FUT8: variants seen among roughly 807,000 people sequenced by gnomAD.
FUT8 encodes alpha-(1,6)-fucosyltransferase.
Under a neutral mutation model 71.3 loss-of-function variants are expected in FUT8, and 29 were observed. The ratio of observed to expected loss-of-function variants is 0.41; its 90% CI spans 0.30 to 0.55. The LOEUF (loss-of-function observed/expected upper bound fraction) is 0.55, where lower values mean the gene tolerates loss of function less well. Ranked by LOEUF, FUT8 falls within the 20% of genes least tolerant of loss-of-function variation. The pLI, the probability that FUT8 is intolerant of heterozygous loss-of-function variation, is 0.34. For missense variants in FUT8, 544 were observed against 702.1 expected, an observed-to-expected ratio of 0.77 and a Z score of 2.55; for synonymous variants, 254 against 239.3, an observed-to-expected ratio of 1.06 and a Z score of -0.57.
At position 65,443,722 on chromosome 14, in the gene FUT8, A is replaced by T. The variant is rs898650150; in HGVS notation, c.-325-11899A>T. Among the ~76,000 whole-genome samples, 97 of 151,288 alleles carry T rather than the reference A, an allele frequency of 6.4e-4. 1 individual carries two copies. Among genetic ancestry groups the T allele is most frequent in the Non-Finnish European group, 1.0e-3 (70 of 67,702 alleles). ...GCAACAGAGCAGGACCTCTAATAAA[A>T]AAAAAAAAAAAGACACCCCAAAAAG... On this transcript the variant is annotated intron_variant, in intron 1 of 10. Coordinates refer to ENST00000673929, the MANE Select transcript of FUT8 (RefSeq NM_001371533.1).
At chr14:65,558,275 T>C (rs1885705583) in intron 2 of FUT8, among the ~76,000 whole-genome samples, 1 of 146,390 alleles carries the variant, frequency 6.8e-6, no homozygotes, top group African/African-American at 2.5e-5. Context: ...GAAGTTGTAG[T>C]GAGCCGAGAT....
chr14:65,438,327 T>C (rs1022490705), intron 1 of FUT8, among the ~76,000 whole-genome samples: 1 of 152,132 alleles, frequency 6.6e-6, no homozygotes, highest in African/African-American at 2.4e-5. Flanking sequence ...GAAACCTAGA[T>C]AGAGGGCCCA....
intron 2 of FUT8, among the ~76,000 whole-genome samples, chr14:65,523,316 G>A (rs1439092584): frequency 1.3e-5 from 2 of 152,194 alleles, no homozygotes; most frequent in Non-Finnish European, 2.9e-5. Context: ...GCATTTCTCT[G>A]ATGGCCAGTG....
intron 7 of FUT8, among the ~76,000 whole-genome samples, chr14:65,678,819 A>G (rs1892891803): frequency 6.6e-6 from 1 of 152,152 alleles, no homozygotes; most frequent in Non-Finnish European, 1.5e-5. Flanking sequence ...GAATATTAGA[A>G]ATAAATACAT....
At chr14:65,708,131 A>G (rs1323385212) in intron 7 of FUT8, among the ~76,000 whole-genome samples, 2 of 152,202 alleles carry the variant, frequency 1.3e-5, no homozygotes, top group African/African-American at 4.8e-5. Context: ...CCACATGTCA[A>G]GAGACCTGGT....
At chr14:65,401,939 G>A in the FUT8 span, among the ~76,000 whole-genome samples, 1 of 148,972 alleles carries the variant, frequency 6.7e-6, no homozygotes, top group African/African-American at 2.5e-5. Context: ...GGTAGTGAGA[G>A]AAGAGCAGGA....
At chr14:65,623,818 C>T (rs1208165169) in intron 5 of FUT8, among the ~76,000 whole-genome samples, 2 of 152,178 alleles carry the variant, frequency 1.3e-5, no homozygotes, top group South Asian at 2.1e-4. Flanking sequence ...GGTACCTTGC[C>T]TAGCTTTGTT....
chr14:65,445,132 C>T (rs570326962), intron 1 of FUT8, among the ~76,000 whole-genome samples: 7 of 151,938 alleles, frequency 4.6e-5, no homozygotes, highest in Admixed American at 1.3e-4. Flanking sequence ...CCTAAACCTG[C>T]GAGGCAGAGG....
At chr14:65,527,867 A>G (rs911694503) in intron 2 of FUT8, among the ~76,000 whole-genome samples, 1 of 152,164 alleles carries the variant, frequency 6.6e-6, no homozygotes, top group Non-Finnish European at 1.5e-5. Context: ...AACAATGCAT[A>G]TTGCTGAACA....
chr14:65,508,667 A>T (rs1158648015), intron 2 of FUT8, among the ~76,000 whole-genome samples: 1 of 150,290 alleles, frequency 6.7e-6, no homozygotes, highest in African/African-American at 2.5e-5. Context: ...CGCCCAGCTA[A>T]TTTTTTGTAT....
chr14:65,567,999 G>A (rs935306470), intron 3 of FUT8, among the ~76,000 whole-genome samples: 7 of 151,798 alleles, frequency 4.6e-5, no homozygotes, highest in South Asian at 2.1e-4. Context: ...AATTCTACCA[G>A]TGAAGTTATC....
intron 8 of FUT8, among the ~76,000 whole-genome samples, chr14:65,722,878 C>T (rs1214815821): frequency 3.3e-5 from 5 of 152,038 alleles, no homozygotes; most frequent in Admixed American, 2.0e-4. Flanking sequence ...TAAGTTTGGC[C>T]CATATACTGT....
intron 3 of FUT8, among the ~76,000 whole-genome samples, chr14:65,590,276 C>T (rs781424119): frequency 3.3e-5 from 5 of 152,152 alleles, no homozygotes; most frequent in Non-Finnish European, 5.9e-5. Context: ...GATTGGTTCT[C>T]AGTCTTTGGA....
chr14:65,617,529 C>T (rs1028740189), intron 5 of FUT8, among the ~76,000 whole-genome samples: 4 of 152,138 alleles, frequency 2.6e-5, no homozygotes, highest in Non-Finnish European at 4.4e-5. Flanking sequence ...TGCTTGTGTT[C>T]TTTGCTTATC....
rs190817348 is a variant in FUT8, at chr14:65,462,922, G to C, written c.-228+7204G>C. ...GAAGAAATTCAAAACCATATACCAG[G>C]GGGAGATAGGATTGTCTCACCACTT... On this transcript the variant is annotated intron_variant, in intron 2 of 10. Transcript: ENST00000673929. Among the ~76,000 whole-genome samples, 32 of 152,252 alleles carry C rather than the reference G, an allele frequency of 2.1e-4. 1 individual carries two copies. Among genetic ancestry groups the C allele is most frequent in the Admixed American group, 7.8e-4 (12 of 15,298 alleles).
At chr14:65,546,098 T>C (rs763365844) in intron 2 of FUT8, among the ~76,000 whole-genome samples, 3 of 151,844 alleles carry the variant, frequency 2.0e-5, no homozygotes, top group African/African-American at 4.8e-5. Flanking sequence ...TTTGTCAACC[T>C]TATTGGAACA....
At chr14:65,397,387 G>T in the FUT8 span, among the ~76,000 whole-genome samples, 1 of 152,172 alleles carries the variant, frequency 6.6e-6, no homozygotes, top group African/African-American at 2.4e-5. This position sits in a 1 kb window ranked among gnomAD's most constrained non-coding sequence, Gnocchi z 4.2. Context: ...TGTACAGCAG[G>T]TCCTTGAATA....
At chr14:65,439,224 A>G (rs1272963300) in intron 1 of FUT8, among the ~76,000 whole-genome samples, 1 of 152,192 alleles carries the variant, frequency 6.6e-6, no homozygotes, top group Non-Finnish European at 1.5e-5. Context: ...CAAAAATACC[A>G]GCTCTGTCCT....
At chr14:65,419,830 C>T (rs1022527975) in intron 1 of FUT8, among the ~76,000 whole-genome samples, 11 of 152,218 alleles carry the variant, frequency 7.2e-5, no homozygotes, top group African/African-American at 2.6e-4. Context: ...CCCTCAACAG[C>T]GTGAGAAATG....
Sources: gnomAD v4.1 joint callset for allele counts (sites outside exome capture counted in the v4.1 genomes callset) on GRCh38, gnomAD v4.1.1 for gene constraint, Gnocchi (gnomAD v3.1) non-coding constraint, MANE v1.5 for transcripts, NCBI Gene and HGNC (gene_info 2026-07-23, HGNC 2026-07-21) for gene names.